Variants in PDXDC1 observed in about 807,000 individuals in gnomAD.
The protein encoded by PDXDC1 is pyridoxal-dependent decarboxylase domain-containing protein 1.
PDXDC1 carries 42 observed loss-of-function variants against 100.1 expected under a neutral mutation model. The ratio of observed to expected loss-of-function variants is 0.42; its 90% CI spans 0.33 to 0.54. The LOEUF (loss-of-function observed/expected upper bound fraction) is 0.54, where lower values mean the gene tolerates loss of function less well. Ranked by LOEUF, PDXDC1 falls within the 20% of genes least tolerant of loss-of-function variation. The pLI is 0.10. For missense variants in PDXDC1, 636 were observed against 979.2 expected (o/e 0.65, Z 4.68); for synonymous variants, 260 against 371.7 (o/e 0.70, Z 3.46).
At position 15,135,886 on chromosome 16, in the gene PDXDC1, C is replaced by T. The variant is rs2048325847; in HGVS notation, c.1400-2993C>T. ...ACACGACAAACACAAAGCAGTAGTGCCCCACAGGCAGCGCCAGCCGCGGCA... is the reference window on the plus strand; with the variant it reads ...ACACGACAAACACAAAGCAGTAGTGTCCCACAGGCAGCGCCAGCCGCGGCA... On this transcript the variant is annotated intron_variant, in intron 16 of 16. Transcript: ENST00000535621. 3.8e-6 allele frequency: 6 copies of T among 1,571,414 alleles called. 1 individual carries two copies. The highest frequency in any genetic ancestry group is 2.2e-5 in the East Asian group (1 of 44,776).
At chr16:15,079,891 C>G in intron 16 of PDXDC1, 1 of 1,293,606 alleles carries the variant, frequency 7.7e-7, no homozygotes, top group South Asian at 1.4e-5. Context: ...GTCACCACGC[C>G]TGGCCAAGTG....
intron 21 of PDXDC1, among the ~76,000 whole-genome samples, chr16:15,034,844 T>C (rs2043305851): frequency 6.6e-6 from 1 of 152,248 alleles, no homozygotes; most frequent in Admixed American, 6.5e-5. Context: ...GTGCTGTGTC[T>C]TGGGCATTTT....
At chr16:15,064,791 CTCA>C (rs898942163) in intron 16 of PDXDC1, among the ~76,000 whole-genome samples, 2 of 152,320 alleles carry the variant, frequency 1.3e-5, no homozygotes, top group African/African-American at 2.4e-5. Flanking sequence ...CCACGAGATG[CTCA>C]TCAACAGCGA....
intron 1 of PDXDC1, among the ~76,000 whole-genome samples, chr16:14,977,269 C>CTTTTTTTTTTTTTTTTTTTTTTTTTT: frequency 1.1e-5 from 1 of 95,042 alleles, no homozygotes; most frequent in Non-Finnish European, 1.9e-5. Flanking sequence ...ATGGGACTTA[C>CTTTTTTTTTTTTTTTTTTTTTTTTTT]TTTTTTTTTT....
chr16:15,029,444 C>T (rs9935283), intron 15 of PDXDC1: 1,379 of 359,898 alleles, frequency 3.8e-3, no homozygotes, highest in African/African-American at 0.026. Context: ...ATGCTGGACA[C>T]GCCCAGCCTA....
chr16:15,082,811 T>C (rs1377334114), intron 16 of PDXDC1, among the ~76,000 whole-genome samples: 1 of 152,190 alleles, frequency 6.6e-6, no homozygotes, highest in African/African-American at 2.4e-5. Flanking sequence ...ACTGCACAGA[T>C]GATCTGAACA....
chr16:15,070,780 T>C (rs1475699589), intron 16 of PDXDC1, among the ~76,000 whole-genome samples: 1 of 151,884 alleles, frequency 6.6e-6, no homozygotes, highest in African/African-American at 2.4e-5. Flanking sequence ...TTCTTCAGCT[T>C]TAACAGATAC....
intron 16 of PDXDC1, chr16:15,133,926 C>G (rs1343586286): frequency 6.9e-7 from 1 of 1,454,800 alleles, no homozygotes. Context: ...CTCGCCAGAG[C>G]GGCCCAGCAC....
At chr16:15,098,123 C>G (rs954231476) in intron 16 of PDXDC1, among the ~76,000 whole-genome samples, 28 of 149,068 alleles carry the variant, frequency 1.9e-4, no homozygotes, top group African/African-American at 6.7e-4. Context: ...AAGTGTTTTT[C>G]TAGGGTGGAA....
chr16:15,092,710 T>C (rs1246317118), intron 16 of PDXDC1: 90 of 822,846 alleles, frequency 1.1e-4, no homozygotes, highest in Middle Eastern at 2.7e-4. Flanking sequence ...AGTGGAACTA[T>C]TGTTAAGGCC....
At chr16:15,070,727 G>A (rs898671280) in intron 16 of PDXDC1, among the ~76,000 whole-genome samples, 4 of 152,002 alleles carry the variant, frequency 2.6e-5, no homozygotes, top group African/African-American at 9.7e-5. Flanking sequence ...GCCACTGGAA[G>A]AAACTGGCCT....
downstream of PDXDC1, among the ~76,000 whole-genome samples, chr16:15,142,512 C>G: frequency 6.6e-6 from 1 of 151,918 alleles, no homozygotes; most frequent in Non-Finnish European, 1.5e-5. Context: ...CCCCCAGCCC[C>G]CAGGGTGTGG....
Position 15,127,770 on chromosome 16 carries a change from C to T in PDXDC1, c.1400-11109C>T, listed in dbSNP as rs1381764953. On this transcript the variant is annotated intron_variant, in intron 16 of 16. Coordinates refer to the PDXDC1 transcript ENST00000535621. ...AGATGAGGAGAACGCAGCAGGTGGC[C>T]CTCTGGATGCGAGTGAAACAGCTAC... 4 of 1,551,690 alleles carry T rather than the reference C, an allele frequency of 2.6e-6. No homozygotes were observed. In the East Asian group the frequency reaches 7.2e-5, roughly 28 times the overall value.
chr16:15,109,786 T>G (rs2046962589), intron 16 of PDXDC1, among the ~76,000 whole-genome samples: 1 of 134,908 alleles, frequency 7.4e-6, no homozygotes, highest in Non-Finnish European at 1.6e-5. Flanking sequence ...GAGGCAGAGG[T>G]TGCAGTGAGC....
chr16:15,125,769 C>T (rs2047679771), intron 16 of PDXDC1: 10 of 1,521,940 alleles, frequency 6.6e-6, no homozygotes, highest in Non-Finnish European at 9.0e-6. Flanking sequence ...TGTCCAGCAC[C>T]TGCTGCCCGG....
chr16:15,020,139 A>G (rs889363766), intron 12 of PDXDC1, among the ~76,000 whole-genome samples: 3 of 142,768 alleles, frequency 2.1e-5, no homozygotes, highest in South Asian at 2.3e-4. Flanking sequence ...AAAAAAAAAA[A>G]GCCAAAAAAC....
intron 16 of PDXDC1, chr16:15,085,755 T>C (rs2045893398): frequency 6.2e-7 from 1 of 1,605,404 alleles, no homozygotes; most frequent in Admixed American, 1.7e-5. Context: ...AATGAATGGC[T>C]ATACAAAAAA....
chr16:15,131,657 C>G lies in PDXDC1; in HGVS notation c.1400-7222C>G, dbSNP rs374282259. ...CGCGATGGTGACTCGGCTCCCAGCT[C>G]TGAGCGCTGTGGTGCCCGCACGTCT... On this transcript the variant is annotated intron_variant, in intron 16 of 16. Transcript: ENST00000535621. The G allele has an allele frequency of 1.2e-4, 184 of 1,581,808 alleles. 3 individuals carry two copies. In the South Asian group the frequency reaches 1.9e-3, roughly 16 times the overall value.
At chr16:15,066,029 T>G (rs1409543000) in intron 16 of PDXDC1, among the ~76,000 whole-genome samples, 1 of 152,236 alleles carries the variant, frequency 6.6e-6, no homozygotes, top group Admixed American at 6.5e-5. Flanking sequence ...CTTGAAAAAT[T>G]ATCTATTGGA....
Sources: gnomAD v4.1 joint callset for allele counts (sites outside exome capture counted in the v4.1 genomes callset) on GRCh38, gnomAD v4.1.1 for gene constraint, MANE v1.5 for transcripts, NCBI Gene and HGNC (gene_info 2026-07-23, HGNC 2026-07-21) for gene names.